SEMA5A: variants seen among roughly 807,000 people sequenced by gnomAD.
SEMA5A encodes semaphorin 5A.
SEMA5A carries 55 observed loss-of-function variants against 135.5 expected under a neutral mutation model. The ratio of observed to expected loss-of-function variants is 0.41; its 90% CI spans 0.33 to 0.51. The LOEUF (loss-of-function observed/expected upper bound fraction) is 0.51. Among genes scored for constraint, SEMA5A ranks in the 20% least tolerant of loss-of-function variants. The probability of loss-of-function intolerance (pLI) is 0.37; values close to 1 mark genes in which losing one functional copy is unlikely to be tolerated. For synonymous variants in SEMA5A, 580 were observed against 546.5 expected, an observed-to-expected ratio of 1.06 and a Z score of -0.85; for missense variants, 1,290 against 1,419.9, an observed-to-expected ratio of 0.91 and a Z score of 1.47.
At chr5:9,362,097 G>A (rs3797999) in intron 3 of SEMA5A, among the ~76,000 whole-genome samples, 1 of 152,026 alleles carries the variant, frequency 6.6e-6, no homozygotes, top group African/African-American at 2.4e-5. Context: ...TCTCGTCTTG[G>A]GGGGTGAATC....
At position 9,537,969 on chromosome 5, in the gene SEMA5A, C is replaced by T. The variant is rs540433376; in HGVS notation, c.-175+7615G>A. 1.4e-4 allele frequency among the ~76,000 whole-genome samples: 22 copies of T among 152,264 alleles called. No individual in the cohort carries two copies. The South Asian group carries it at 1.7e-3, about 11-fold the overall frequency. On this transcript the variant is annotated intron_variant, in intron 1 of 22. Transcript: ENST00000382496. ...AAGTAAACACTCCCATGGAAAGCCA[C>T]TATGTGGAAACCAACTGGTGTGAGG...
chr5:9,296,297 T>C lies in SEMA5A; in HGVS notation c.270+22075A>G, dbSNP rs550295143. Reference sequence around the variant, plus strand: ...TTATCATATCTTTGAGGTTGATCTATAAATCTTCAAATATATTAATTATAT... The same window carrying C: ...TTATCATATCTTTGAGGTTGATCTACAAATCTTCAAATATATTAATTATAT... On this transcript the variant is annotated intron_variant, in intron 5 of 22. Coordinates refer to ENST00000382496, the MANE Select transcript of SEMA5A (RefSeq NM_003966.3). 3.9e-5 allele frequency among the ~76,000 whole-genome samples: 6 copies of C among 152,304 alleles called. No homozygotes were observed. In the South Asian group the frequency reaches 1.2e-3, roughly 32 times the overall value.
intron 5 of SEMA5A, chr5:9,265,414 G>A (rs756532924): frequency 1.3e-5 from 6 of 456,032 alleles, no homozygotes; most frequent in African/African-American, 8.0e-5. Context: ...ATCCTTCTAT[G>A]GAAACCACAG....
rs571132184 is a variant in SEMA5A, at chr5:9,091,352, G to A, written c.2073+16788C>T. Among the ~76,000 whole-genome samples the A allele has an allele frequency of 3.5e-4, 54 of 152,260 alleles. 1 individual carries two copies. The highest frequency in any genetic ancestry group is 1.1e-3 in the African/African-American group (44 of 41,560). ...TTGTCCAGATTTATCTTGTTATACT[G>A]TAGATGTACCCATGGGGTACATCTG... On this transcript the variant is annotated intron_variant, in intron 16 of 22. Coordinates refer to ENST00000382496, the MANE Select transcript of SEMA5A (RefSeq NM_003966.3).
chr5:9,450,387 T>C (rs373973), intron 1 of SEMA5A, among the ~76,000 whole-genome samples: 16,515 of 152,258 alleles, frequency 0.11, 1,127 homozygotes, highest in African/African-American at 0.19. Flanking sequence ...TTGCTAAGTA[T>C]ACATTGTTCC....
chr5:9,100,992 C>A (rs962864213), intron 16 of SEMA5A, among the ~76,000 whole-genome samples: 1 of 152,194 alleles, frequency 6.6e-6, no homozygotes, highest in Non-Finnish European at 1.5e-5. Flanking sequence ...CATCACTTCT[C>A]AGATGCATCT....
chr5:9,205,610 C>A (rs1745971094), intron 8 of SEMA5A, among the ~76,000 whole-genome samples: 1 of 152,142 alleles, frequency 6.6e-6, no homozygotes, highest in Admixed American at 6.5e-5. Context: ...CACCCTGAAC[C>A]AATGTTATAA....
At chr5:9,416,054 T>A (rs544941893) in intron 2 of SEMA5A, among the ~76,000 whole-genome samples, 1 of 152,324 alleles carries the variant, frequency 6.6e-6, no homozygotes, top group East Asian at 1.9e-4. Flanking sequence ...ACTTTCTACT[T>A]GTTGTTCCAA....
intron 18 of SEMA5A, among the ~76,000 whole-genome samples, chr5:9,060,479 CT>C (rs1235218997): frequency 6.6e-6 from 1 of 152,126 alleles, no homozygotes; most frequent in Non-Finnish European, 1.5e-5. Flanking sequence ...ACGTCTGCCC[CT>C]GTTCCAGTTT....
chr5:9,110,898 G>A (rs1740204775), intron 15 of SEMA5A, among the ~76,000 whole-genome samples: 1 of 152,150 alleles, frequency 6.6e-6, no homozygotes, highest in Non-Finnish European at 1.5e-5. Flanking sequence ...AGTAGGGGAA[G>A]GGAAAGGACC....
intron 2 of SEMA5A, among the ~76,000 whole-genome samples, chr5:9,381,427 G>C (rs575340275): frequency 6.6e-6 from 1 of 152,156 alleles, no homozygotes; most frequent in African/African-American, 2.4e-5. Context: ...CCTGGAATCT[G>C]GGTTGGCTCA....
At chr5:9,202,808 T>C (rs1350978005) in intron 8 of SEMA5A, among the ~76,000 whole-genome samples, 1 of 152,196 alleles carries the variant, frequency 6.6e-6, no homozygotes, top group East Asian at 1.9e-4. Context: ...GTGTCTGGAA[T>C]TAGCTGTAGC....
At chr5:9,488,866 AT>A (rs965180529) in intron 1 of SEMA5A, among the ~76,000 whole-genome samples, 2 of 152,206 alleles carry the variant, frequency 1.3e-5, no homozygotes, top group African/African-American at 4.8e-5. Context: ...AATCGAGCAT[AT>A]TTTAATATGG....
Position 9,063,030 on chromosome 5 carries a change from G to A in SEMA5A, c.2375C>T (p.Ser792Leu), listed in dbSNP as rs2290734. The A allele has an allele frequency of 1.7e-5, 27 of 1,614,088 alleles. No homozygotes were observed. The highest frequency in any genetic ancestry group is 2.2e-5 in the East Asian group (1 of 44,890). ...GCAGTCACGGCTGCACTGTGACCAC[G>A]ACGTCCAGGCTGACCAAGCCCCGTT... The part of the protein sequence containing the change: ...TVNGAWSAWT[S>L]WSQCSRDCSR... The change falls in exon 18 of 23, where the codon TCG (serine) becomes TTG (leucine). Residue 792 changes from serine to leucine, a missense_variant. Ser to Leu is a moderately radical substitution (Grantham distance 145). Transcript: ENST00000382496.
At chr5:9,375,941 C>T (rs1384036445) in intron 3 of SEMA5A, among the ~76,000 whole-genome samples, 1 of 152,080 alleles carries the variant, frequency 6.6e-6, no homozygotes, top group African/African-American at 2.4e-5. Context: ...TCTGCTTTCT[C>T]TTCTTGATTC....
chr5:9,233,023 G>A (rs894088648), intron 6 of SEMA5A, among the ~76,000 whole-genome samples: 3 of 152,156 alleles, frequency 2.0e-5, no homozygotes, highest in Non-Finnish European at 4.4e-5. Context: ...TGGTAAACAG[G>A]ACCACAGGAT....
intron 3 of SEMA5A, among the ~76,000 whole-genome samples, chr5:9,374,845 C>A (rs1755293297): frequency 6.6e-6 from 1 of 151,960 alleles, no homozygotes; most frequent in Non-Finnish European, 1.5e-5. Flanking sequence ...TGGCCTCCTG[C>A]CCTCCAGGCT....
chr5:9,503,048 C>T (rs1401031731), intron 1 of SEMA5A, among the ~76,000 whole-genome samples: 1 of 152,086 alleles, frequency 6.6e-6, no homozygotes, highest in Non-Finnish European at 1.5e-5. Flanking sequence ...ACAGGGAATA[C>T]ATGAATAACT....
chr5:9,119,133 C>G lies in SEMA5A; in HGVS notation c.1790G>C (p.Gly597Ala). 1 of 1,613,546 alleles carries G rather than the reference C, an allele frequency of 6.2e-7. No individual in the cohort carries two copies. The highest frequency in any genetic ancestry group is 8.5e-7 in the Non-Finnish European group (1 of 1,179,840). Residue 597 changes from glycine (G) to alanine (A), a missense_variant, in exon 15 of 23, where the codon GGC becomes GCC. Physicochemically the swap from Gly to Ala is moderately conservative, Grantham distance 60. Coordinates refer to ENST00000382496, the MANE Select transcript of SEMA5A (RefSeq NM_003966.3). ...MEIANCSRNG[G>A]WTPWTSWSPC... ...AGACCACGAGGTCCAGGGAGTCCAG[C>G]CTCCGTTCCTGAGGGAAGGGAAGCA... is the stretch of plus-strand genomic sequence containing the variant.
Sources: allele counts gnomAD v4.1 joint callset (sites outside exome capture counted in the v4.1 genomes callset), GRCh38; gene constraint gnomAD v4.1.1; transcripts MANE v1.5; gene names NCBI Gene and HGNC (gene_info 2026-07-23, HGNC 2026-07-21).